The following CSMD1 variants were observed in gnomAD, a reference collection of about 807,000 sequenced individuals.
CSMD1 encodes CUB and sushi domain-containing protein 1.
In CSMD1, 213 loss-of-function variants were observed where a neutral mutation model predicts 417.5. The observed-to-expected ratio is 0.51, with a 90% CI of 0.46 to 0.57. The LOEUF is 0.57. Ranked by LOEUF, CSMD1 falls within the 20% of genes least tolerant of loss-of-function variation. CSMD1 has a pLI of 0.00. For synonymous variants in CSMD1, 2,862 were observed against 1,736.8 expected, an observed-to-expected ratio of 1.65 and a Z score of -16.11; for missense variants, 6,923 against 4,529.7, an observed-to-expected ratio of 1.53 and a Z score of -15.17.
At chr8:4,978,947 G>C (rs1161654412) in intron 1 of CSMD1, among the ~76,000 whole-genome samples, 3 of 152,178 alleles carry the variant, frequency 2.0e-5, no homozygotes, top group Non-Finnish European at 4.4e-5. Flanking sequence ...TCAGCACAAA[G>C]ACATTAGGAT....
intron 3 of CSMD1, among the ~76,000 whole-genome samples, chr8:4,357,905 A>T (rs967633640): frequency 6.6e-6 from 1 of 152,194 alleles, no homozygotes; most frequent in Admixed American, 6.5e-5. Context: ...TGTAGTATTT[A>T]TAAAAAATAG....
intron 3 of CSMD1, among the ~76,000 whole-genome samples, chr8:4,373,174 C>T (rs535111517): frequency 6.6e-6 from 1 of 152,276 alleles, no homozygotes; most frequent in Non-Finnish European, 1.5e-5. Flanking sequence ...TACCCCTTGA[C>T]CGGTGCTGCT....
intron 1 of CSMD1, among the ~76,000 whole-genome samples, chr8:4,875,735 A>C (rs1289558057): frequency 2.6e-5 from 4 of 152,146 alleles, no homozygotes; most frequent in Non-Finnish European, 5.9e-5. Context: ...ATATGTATAT[A>C]GGTATGCTCA....
chr8:4,024,117 A>T lies in CSMD1; in HGVS notation c.610+7788T>A, dbSNP rs957995611. On this transcript the variant is annotated intron_variant, in intron 4 of 69. Transcript: ENST00000635120. ...TATTCACATCTTACTAAATGGAAAG[A>T]CAAGAGATGTTACCAAAAATTAAAG... Among the ~76,000 whole-genome samples the T allele has an allele frequency of 3.3e-5, 5 of 152,250 alleles. No homozygotes were observed. The Middle Eastern group carries it at 0.01, about 311-fold the overall frequency.
intron 7 of CSMD1, among the ~76,000 whole-genome samples, chr8:3,649,623 A>G (rs902331916): frequency 2.0e-5 from 3 of 152,168 alleles, no homozygotes; most frequent in African/African-American, 7.2e-5. Context: ...CTTACTCACC[A>G]TCATGAGAAC....
intron 5 of CSMD1, among the ~76,000 whole-genome samples, chr8:3,848,089 C>CTCTCTA (rs10679534): frequency 0.15 from 23,218 of 151,614 alleles, 1,795 homozygotes; most frequent in East Asian, 0.27. Context: ...CTCTCTCTCT[C>CTCTCTA]TAAATATATA....
At chr8:4,330,011 C>T (rs1461032411) in intron 3 of CSMD1, among the ~76,000 whole-genome samples, 3 of 152,102 alleles carry the variant, frequency 2.0e-5, no homozygotes, top group Admixed American at 6.5e-5. Flanking sequence ...GCTTCCTGTA[C>T]AGCATGCAGA....
intron 3 of CSMD1, among the ~76,000 whole-genome samples, chr8:4,109,870 A>G (rs1563135719): frequency 6.6e-6 from 1 of 152,168 alleles, no homozygotes. Flanking sequence ...CAAGACAGTC[A>G]TTGTGCTTTT....
At chr8:4,135,593 T>C (rs1351402919) in intron 3 of CSMD1, among the ~76,000 whole-genome samples, 2 of 152,132 alleles carry the variant, frequency 1.3e-5, no homozygotes, top group Non-Finnish European at 2.9e-5. Context: ...TCTTAAAATA[T>C]CAAGAGGAAA....
At chr8:3,490,890 G>C (rs1056661447) in intron 11 of CSMD1, among the ~76,000 whole-genome samples, 2 of 151,786 alleles carry the variant, frequency 1.3e-5, no homozygotes, top group African/African-American at 2.4e-5. Context: ...TTTTTACCTA[G>C]TAATTTGTCA....
intron 6 of CSMD1, among the ~76,000 whole-genome samples, chr8:3,709,444 C>G (rs1023726560): frequency 1.3e-5 from 2 of 152,030 alleles, no homozygotes; most frequent in Non-Finnish European, 2.9e-5. Context: ...ATGTGTGAAC[C>G]TGACTGCACC....
chr8:3,460,529 G>T (rs1393846474), intron 12 of CSMD1, among the ~76,000 whole-genome samples: 1 of 152,098 alleles, frequency 6.6e-6, no homozygotes, highest in East Asian at 1.9e-4. Context: ...GAGTTTAGTA[G>T]CGGGGAGAAA....
At chr8:3,096,754 G>A (rs1383283943) in intron 47 of CSMD1, 95 bp downstream of exon 47, 1 of 858,432 alleles carries the variant, frequency 1.2e-6, no homozygotes, top group East Asian at 2.7e-5. Flanking sequence ...GTTAACTCAA[G>A]AATATATTCC....
chr8:3,057,818 T>A (rs1481468104), intron 49 of CSMD1, among the ~76,000 whole-genome samples: 2 of 152,224 alleles, frequency 1.3e-5, no homozygotes, highest in Non-Finnish European at 2.9e-5. Flanking sequence ...TCTATCAGAT[T>A]AGTCTTCACT....
chr8:4,201,540 CAAAAAAAAAAAAAAA>C (rs1157479482), intron 3 of CSMD1, among the ~76,000 whole-genome samples: 3 of 59,028 alleles, frequency 5.1e-5, no homozygotes, highest in Non-Finnish European at 8.4e-5. Flanking sequence ...TCTGTCTCCA[CAAAAAAAAAAAAAAA>C]AAAAAAAAAA....
intron 3 of CSMD1, among the ~76,000 whole-genome samples, chr8:4,205,784 C>G (rs755511071): frequency 2.0e-5 from 3 of 152,004 alleles, no homozygotes; most frequent in Non-Finnish European, 4.4e-5. Flanking sequence ...AAATAGATGC[C>G]TGTGTTAGAT....
At chr8:3,037,299 G>A (rs1158379708) in intron 50 of CSMD1, among the ~76,000 whole-genome samples, 3 of 148,958 alleles carry the variant, frequency 2.0e-5, no homozygotes, top group Non-Finnish European at 4.5e-5. Flanking sequence ...TCCGCCTCCT[G>A]GGTTCACGCC....
intron 1 of CSMD1, among the ~76,000 whole-genome samples, chr8:4,968,869 C>T (rs1007779570): frequency 6.6e-6 from 1 of 152,202 alleles, no homozygotes; most frequent in Non-Finnish European, 1.5e-5. Context: ...TAGTGCTACA[C>T]ACAAAGCATC....
chr8:4,404,110 C>G (rs530461742), intron 3 of CSMD1, among the ~76,000 whole-genome samples: 4 of 152,290 alleles, frequency 2.6e-5, no homozygotes, highest in Non-Finnish European at 5.9e-5. Flanking sequence ...TGGTATTTCT[C>G]CAGAATTCCA....
Sources: allele counts gnomAD v4.1 joint callset (sites outside exome capture counted in the v4.1 genomes callset), GRCh38; gene constraint gnomAD v4.1.1; transcripts MANE v1.5; gene names NCBI Gene and HGNC (gene_info 2026-07-23, HGNC 2026-07-21).